LRP1B: variants seen among roughly 807,000 people sequenced by gnomAD.
LRP1B encodes LDL receptor related protein 1B, also known as low-density lipoprotein receptor-related protein 1B.
Under a neutral mutation model 556.6 loss-of-function variants are expected in LRP1B, and 217 were observed. The observed-to-expected ratio is 0.39, with a 90% CI of 0.35 to 0.44. LRP1B has a LOEUF of 0.44. Among genes scored for constraint, LRP1B ranks in the 20% least tolerant of loss-of-function variants. The pLI is 1.00. For synonymous variants in LRP1B, 2,047 were observed against 1,865.8 expected, an observed-to-expected ratio of 1.10 and a Z score of -2.50; for missense variants, 5,053 against 5,620.8, an observed-to-expected ratio of 0.90 and a Z score of 3.23.
intron 3 of LRP1B, among the ~76,000 whole-genome samples, chr2:141,419,173 T>C (rs1430705208): frequency 1.3e-5 from 2 of 152,144 alleles, no homozygotes; most frequent in Non-Finnish European, 2.9e-5. Flanking sequence ...ATCCTCTTAA[T>C]GTGCCATTGA....
At chr2:141,237,731 G>A (rs565177121) in intron 5 of LRP1B, among the ~76,000 whole-genome samples, 10 of 152,128 alleles carry the variant, frequency 6.6e-5, no homozygotes, top group East Asian at 1.9e-4. Context: ...TTATAAGCAC[G>A]ACAAAAGACA....
At chr2:141,097,412 C>A (rs1341385290) in intron 7 of LRP1B, among the ~76,000 whole-genome samples, 1 of 151,706 alleles carries the variant, frequency 6.6e-6, no homozygotes, top group Non-Finnish European at 1.5e-5. Context: ...TGAACGGATG[C>A]CACTTCAAAG....
chr2:140,233,267 T>C lies in LRP1B; in HGVS notation c.13719A>G (p.Arg4573=), dbSNP rs1253392080. The C allele has an allele frequency of 1.2e-6, 2 of 1,606,070 alleles. No individual in the cohort carries two copies. The highest frequency in any genetic ancestry group is 3.4e-5 in the Admixed American group (2 of 59,564). ...TTTCATCAACACTTCCTAAGGAGTT[T>C]CGACAGTTTTGCCCATCCATATATA... ...AKLYMDGQNC[R]NSLGSVDERK... Residue 4573 remains arginine (R), a synonymous_variant, in exon 91 of 91, where the codon CGA becomes CGG. Transcript: ENST00000389484.
intron 2 of LRP1B, among the ~76,000 whole-genome samples, chr2:141,585,176 A>G (rs577462140): frequency 1.3e-5 from 2 of 152,278 alleles, no homozygotes; most frequent in African/African-American, 4.8e-5. Flanking sequence ...TCTTTGCCAC[A>G]GTCTACTCAC....
At chr2:141,883,090 T>C (rs1699007160) in intron 1 of LRP1B, among the ~76,000 whole-genome samples, 1 of 152,156 alleles carries the variant, frequency 6.6e-6, no homozygotes, top group Non-Finnish European at 1.5e-5. Flanking sequence ...GTGGGCCAAA[T>C]AGACAGTGAC....
chr2:140,279,570 T>A (rs1682828298), intron 84 of LRP1B, among the ~76,000 whole-genome samples: 1 of 151,986 alleles, frequency 6.6e-6, no homozygotes, highest in African/African-American at 2.4e-5. Context: ...CTCACATAAT[T>A]ACTACACACT....
intron 66 of LRP1B, among the ~76,000 whole-genome samples, chr2:140,418,683 G>A (rs2105261499): frequency 6.6e-6 from 1 of 151,900 alleles, no homozygotes; most frequent in African/African-American, 2.4e-5. Context: ...CCCCAGATGA[G>A]ATTATCTAGT....
chr2:140,624,961 G>A (rs183153860), intron 41 of LRP1B, among the ~76,000 whole-genome samples: 42 of 152,278 alleles, frequency 2.8e-4, no homozygotes, highest in African/African-American at 9.6e-4. Flanking sequence ...AAATGAGAAT[G>A]TTTAGGGTAT....
intron 42 of LRP1B, among the ~76,000 whole-genome samples, chr2:140,599,378 AGT>A: frequency 6.6e-6 from 1 of 152,010 alleles, no homozygotes; most frequent in East Asian, 1.9e-4. Context: ...TTTTTCTCTC[AGT>A]GTGATTTTTC....
chr2:140,695,017 A>G (rs937690969), intron 41 of LRP1B, among the ~76,000 whole-genome samples: 7 of 151,120 alleles, frequency 4.6e-5, no homozygotes, highest in African/African-American at 1.7e-4. Flanking sequence ...TTCTTTGATG[A>G]ACCCCAAGTA....
In LRP1B at chr2:140,429,222, TCCC is replaced by T. The variant is rs1351066880; in HGVS notation, c.10414+13279_10414+13281del. 2.6e-5 allele frequency among the ~76,000 whole-genome samples: 4 copies of T among 152,208 alleles called. No individual in the cohort carries two copies. In the East Asian group the frequency reaches 7.7e-4, roughly 29 times the overall value. On this transcript the variant is annotated intron_variant, in intron 66 of 90. Coordinates refer to ENST00000389484, the MANE Select transcript of LRP1B (RefSeq NM_018557.3). ...AAAGCCTATAAACTCTCCTTACAGT[TCCC>T]CCATTTTACCTGTCCTAAAACCAGA...
chr2:142,115,011 T>C (rs1267856035), intron 1 of LRP1B, among the ~76,000 whole-genome samples: 1 of 152,078 alleles, frequency 6.6e-6, no homozygotes, highest in Non-Finnish European at 1.5e-5. Flanking sequence ...TCCATAAATA[T>C]GTACAGCTTC....
intron 3 of LRP1B, among the ~76,000 whole-genome samples, chr2:141,477,094 G>A (rs1259628647): frequency 6.6e-6 from 1 of 151,670 alleles, no homozygotes; most frequent in Non-Finnish European, 1.5e-5. Flanking sequence ...TTGCACTCCA[G>A]CCTGGGCAAA....
At chr2:140,399,811 T>C (rs1363674005) in intron 66 of LRP1B, among the ~76,000 whole-genome samples, 1 of 152,342 alleles carries the variant, frequency 6.6e-6, no homozygotes, top group Non-Finnish European at 1.5e-5. Flanking sequence ...TAATGATCAA[T>C]AGTTAGAAGT....
chr2:140,879,296 G>T (rs1693401391), intron 25 of LRP1B, among the ~76,000 whole-genome samples: 1 of 152,092 alleles, frequency 6.6e-6, no homozygotes, highest in Admixed American at 6.6e-5. Context: ...ATATTTACCA[G>T]AAATAGGCAC....
At chr2:140,505,011 T>TA (rs1689347012) in intron 53 of LRP1B, among the ~76,000 whole-genome samples, 1 of 152,322 alleles carries the variant, frequency 6.6e-6, no homozygotes, top group Admixed American at 6.5e-5. Flanking sequence ...ACAAATTCTC[T>TA]AACACTTTAT....
intron 7 of LRP1B, among the ~76,000 whole-genome samples, chr2:141,132,895 G>A (rs371608341): frequency 6.6e-6 from 1 of 151,816 alleles, no homozygotes; most frequent in Non-Finnish European, 1.5e-5. Context: ...AAATTTAAAT[G>A]TACTATTCAA....
intron 63 of LRP1B, among the ~76,000 whole-genome samples, chr2:140,445,551 T>G (rs1334320134): frequency 6.6e-6 from 1 of 152,148 alleles, no homozygotes; most frequent in African/African-American, 2.4e-5. Flanking sequence ...AGTAAATATT[T>G]TATATACTAT....
At chr2:141,266,532 A>T (rs182009789) in intron 3 of LRP1B, among the ~76,000 whole-genome samples, 11 of 152,138 alleles carry the variant, frequency 7.2e-5, no homozygotes, top group South Asian at 4.2e-4. Context: ...AATTTTTTTT[A>T]AAAAATCTGA....
Sources: gnomAD v4.1 joint callset for allele counts (sites outside exome capture counted in the v4.1 genomes callset) on GRCh38, gnomAD v4.1.1 for gene constraint, MANE v1.5 for transcripts, NCBI Gene and HGNC (gene_info 2026-07-23, HGNC 2026-07-21) for gene names.